ZNF414: variants seen among roughly 807,000 people sequenced by gnomAD.
ZNF414 encodes the protein zinc finger protein 414.
A neutral mutation model predicts 38.3 loss-of-function variants in ZNF414; 32 were observed. That is an observed-to-expected ratio of 0.83 (90% confidence interval 0.63 to 1.12). The LOEUF (loss-of-function observed/expected upper bound fraction) is 1.12. ZNF414 is among the 50% of genes most tolerant of loss of function. The pLI, the probability that ZNF414 is intolerant of heterozygous loss-of-function variation, is 0.00. For synonymous variants in ZNF414, 256 were observed against 248.0 expected (o/e 1.03, Z -0.30); for missense variants, 589 against 557.4 (o/e 1.06, Z -0.57).
chr19:8,512,975 C>A, intron 2 of ZNF414, 54 bp downstream of exon 2: 2 of 1,425,034 alleles, frequency 1.4e-6, no homozygotes, highest in South Asian at 1.5e-5. Context: ...CTCTACGTCT[C>A]GCTTCTATTG....
In ZNF414 at chr19:8,511,625, T is replaced by C; in HGVS notation, c.866A>G (p.Lys289Arg). ...CCCGACCCCACACTCACCTTGGCTC[T>C]TTTTCCAGACGGCGGCGCTGGAAGC... ...PPASSAAVWKKSQGAGSSPRR... is the reference protein window; with the variant it reads ...PPASSAAVWKRSQGAGSSPRR... Residue 289 changes from lysine (K) to arginine (R), a missense_variant, in exon 5 of 8, where the codon AAG (lysine) becomes AGG (arginine). Coordinates refer to ENST00000393927, the MANE Select transcript of ZNF414 (RefSeq NM_001146175.2). The C allele has an allele frequency of 6.6e-7, 1 of 1,510,832 alleles. No individual in the cohort carries two copies. Among genetic ancestry groups the C allele is most frequent in the Non-Finnish European group, 8.8e-7 (1 of 1,133,378 alleles). The allele number at this position is 1,510,832 out of a possible 1,614,324, so 93.6% of individuals were successfully genotyped here.
chr19:8,512,896 T>C (rs1971937903), intron 2 of ZNF414, 133 bp downstream of exon 2: 1 of 1,272,236 alleles, frequency 7.9e-7, no homozygotes, highest in East Asian at 2.6e-5. Context: ...AGCCACAGCC[T>C]GGCATCCACC....
chr19:8,511,861 G>C lies in ZNF414; in HGVS notation c.630C>G (p.Pro210=). ...EHAQSPAPPP[P]PALDREPPAP... ...CGGGCGGCTCTCGGTCCAGGGCCGG[G>C]GGTGGCGGCGGGGCTGGGCTCTGCG... Residue 210 remains proline, a synonymous_variant, in exon 5 of 8, where the codon CCC becomes CCG. Coordinates refer to ENST00000393927, the MANE Select transcript of ZNF414 (RefSeq NM_001146175.2). The C allele has an allele frequency of 1.4e-6, 2 of 1,404,684 alleles. No homozygotes were observed. The highest frequency in any genetic ancestry group is 3.2e-5 in the Admixed American group (1 of 30,800). 87.0% of individuals were successfully genotyped at this position (1,404,684 alleles called of 1,614,324 possible).
At position 8,510,878 on chromosome 19, in the gene ZNF414, C is replaced by CGGGCGCGGG. The variant is rs904104316; in HGVS notation, c.1071_1072insCCCGCGCCC (p.Ala357_Gly358insProAlaPro). ...GCGGGGGCGTCGGGGCGCGGCGGCC[C>CGGGCGCGGG]GGCCGCGGGGGCCGCGGGGGCGCCG... On this transcript the variant is annotated inframe_insertion, in exon 7 of 8. Coordinates refer to ENST00000393927, the MANE Select transcript of ZNF414 (RefSeq NM_001146175.2). 8 of 1,129,530 alleles carry CGGGCGCGGG rather than the reference C, an allele frequency of 7.1e-6. No homozygotes were observed. Among genetic ancestry groups the CGGGCGCGGG allele is most frequent in the Middle Eastern group, 3.7e-4 (1 of 2,734 alleles). 70.0% of individuals were successfully genotyped at this position (1,129,530 alleles called of 1,614,324 possible).
Position 8,510,850 on chromosome 19 carries a change from C to G in ZNF414, c.1099+1G>C. On this transcript the variant is annotated splice_donor_variant, in intron 7 of 7. Coordinates refer to ENST00000393927, the MANE Select transcript of ZNF414 (RefSeq NM_001146175.2). LOFTEE classifies it high-confidence loss of function. ...TCCACCCGCGCATTCCTCGGCCTTA[C>G]CCGCGGGGGCGTCGGGGCGCGGCGG... 8.2e-7 allele frequency: 1 copy of G among 1,223,578 alleles called. No homozygotes were observed. The highest frequency in any genetic ancestry group is 1.0e-6 in the Non-Finnish European group (1 of 966,050). 75.8% of individuals were successfully genotyped at this position (1,223,578 alleles called of 1,614,324 possible).
rs1174799242 is a variant in ZNF414 at position 8,509,682 on chromosome 19, TTTTTAA to T, written c.*1003_*1008del. On this transcript the variant is annotated 3_prime_UTR_variant, in exon 8 of 8. Transcript: ENST00000393927. Reference sequence around the variant, plus strand: ...TCACCTCTCCTGGTTACGGGATTGCTTTTTAATTTTCTTTATTTTTGAGATGGAGTT... The same window carrying T: ...TCACCTCTCCTGGTTACGGGATTGCTTTTTCTTTATTTTTGAGATGGAGTT... 3 of 151,918 alleles carry T rather than the reference TTTTTAA, an allele frequency of 2.0e-5. No homozygotes were observed. The highest frequency in any genetic ancestry group is 4.4e-5 in the Non-Finnish European group (3 of 67,984). The allele number at this position is 151,918 out of a possible 1,614,324, so 9.4% of individuals were successfully genotyped here. A position where few individuals can be genotyped will look rare whatever the true frequency, so the allele number is the denominator to read the frequency against.
Position 8,510,772 on chromosome 19 carries a change from G to C in ZNF414, c.1100-8C>G. ...GTGCAAGCGGGGCCGGATCTGGGTG[G>C]GGCAGAGGAGGGGGGCGCCTGAGCC... On this transcript the variant is annotated splice_region_variant and splice_polypyrimidine_tract_variant and intron_variant, in intron 7 of 7. Coordinates refer to ENST00000393927, the MANE Select transcript of ZNF414 (RefSeq NM_001146175.2). 6.5e-7 allele frequency: 1 copy of C among 1,542,470 alleles called. No homozygotes were observed. The highest frequency in any genetic ancestry group is 8.8e-7 in the Non-Finnish European group (1 of 1,141,898).
Position 8,514,082 on chromosome 19 carries a change from C to CGGCGGCTGCAGCTTA in ZNF414, c.-51_-37dup, listed in dbSNP as rs1302777603. 11 of 1,464,244 alleles carry CGGCGGCTGCAGCTTA rather than the reference C, an allele frequency of 7.5e-6. No individual in the cohort carries two copies. Among genetic ancestry groups the CGGCGGCTGCAGCTTA allele is most frequent in the Non-Finnish European group, 9.9e-6 (11 of 1,108,660 alleles). The allele number at this position is 1,464,244 out of a possible 1,614,324, so 90.7% of individuals were successfully genotyped here. A position where few individuals can be genotyped will look rare whatever the true frequency, so the allele number is the denominator to read the frequency against. On this transcript the variant is annotated 5_prime_UTR_variant, in exon 1 of 8. Transcript: ENST00000393927. ...GCTCGGCCTCTTGTTTCTGCGGCTC[C>CGGCGGCTGCAGCTTA]GGCGGCTGCAGCTTAGGCGGCGGCC...
intron 6 of ZNF414, 107 bp downstream of exon 6, chr19:8,511,379 C>G: frequency 1.3e-6 from 2 of 1,499,212 alleles, no homozygotes; most frequent in African/African-American, 1.4e-5. Flanking sequence ...GGCATTTGTG[C>G]CCCCTGGGAA....
chr19:8,511,434 G>A lies in ZNF414; in HGVS notation c.925+52C>T, dbSNP rs376403298. Reference sequence around the variant, plus strand: ...TCCTGGTATCCACCAGACCCCGCAGGGCGCAGGAAAGAAAGCCCCTCCACC... The same window carrying A: ...TCCTGGTATCCACCAGACCCCGCAGAGCGCAGGAAAGAAAGCCCCTCCACC... On this transcript the variant is annotated intron_variant, in intron 6 of 7. Transcript: ENST00000393927. 8.6e-5 allele frequency: 137 copies of A among 1,594,292 alleles called. 1 individual carries two copies. The African/African-American group carries it at 1.6e-3, about 18-fold the overall frequency.
At position 8,511,980 on chromosome 19, in the gene ZNF414, T is replaced by C. The variant is rs1161150241; in HGVS notation, c.531-20A>G. ...TCACACCTGGAGGTGGGCAGAGGGC[T>C]GGGCTGGGCTGGGCCTCCAGGGGCA... On this transcript the variant is annotated intron_variant, in intron 4 of 7. Coordinates refer to ENST00000393927, the MANE Select transcript of ZNF414 (RefSeq NM_001146175.2). 2.1e-6 allele frequency: 3 copies of C among 1,401,848 alleles called. No individual in the cohort carries two copies. Among genetic ancestry groups the C allele is most frequent in the South Asian group, 1.7e-5 (1 of 57,818 alleles). The allele number at this position is 1,401,848 out of a possible 1,614,324, so 86.8% of individuals were successfully genotyped here.
intron 4 of ZNF414, 75 bp downstream of exon 4, chr19:8,512,312 G>A: frequency 6.4e-7 from 1 of 1,574,340 alleles, no homozygotes; most frequent in Non-Finnish European, 8.7e-7. Context: ...CCCTGACCAG[G>A]AAGGGAGGAA....
Position 8,513,166 on chromosome 19 carries a change from C to A in ZNF414, c.179G>T (p.Gly60Val). 1 of 1,552,512 alleles carries A rather than the reference C, an allele frequency of 6.4e-7. No individual in the cohort carries two copies. The change falls in exon 2 of 8, where the codon GGG (glycine) becomes GTG (valine). Residue 60 changes from glycine (G) to valine (V), a missense_variant. Gly to Val is a moderately radical substitution (Grantham distance 109). Transcript: ENST00000393927. ...GGAGCCCTGCTGCATCCCTCCAGCC[C>A]CTCCACGTTCCCACACTGGCGGTGT... ...AATPPVWERG[G>V]AGGMQQGSSP...
rs1971957890 is a variant in ZNF414, at chr19:8,514,135, C to T, written c.-89G>A. On this transcript the variant is annotated 5_prime_UTR_variant, in exon 1 of 8. The change abolishes the stop of an existing upstream ORF in the 5' untranslated region. Coordinates refer to ENST00000393927, the MANE Select transcript of ZNF414 (RefSeq NM_001146175.2). Reference sequence around the variant, plus strand: ...CCTCTGGGCAGTGCGAGTTCGCGCTCACGTCAGCGCCATTTTCCACCTCTC... The same window carrying T: ...CCTCTGGGCAGTGCGAGTTCGCGCTTACGTCAGCGCCATTTTCCACCTCTC... 8 of 1,360,822 alleles carry T rather than the reference C, an allele frequency of 5.9e-6. No homozygotes were observed. In the South Asian group the frequency reaches 1.3e-4, roughly 23 times the overall value. The allele number at this position is 1,360,822 out of a possible 1,614,324, so 84.3% of individuals were successfully genotyped here.
rs757435261 is a variant in ZNF414, at chr19:8,513,161, C to T, written c.184G>A (p.Gly62Arg). 1.3e-6 allele frequency: 2 copies of T among 1,549,674 alleles called. No individual in the cohort carries two copies. The highest frequency in any genetic ancestry group is 2.4e-5 in the South Asian group (2 of 84,918). Residue 62 changes from glycine to arginine, a missense_variant, in exon 2 of 8, where the codon GGA becomes AGA. Gly to Arg is a moderately radical substitution (Grantham distance 125, BLOSUM62 -2). Transcript: ENST00000393927. ...TPPVWERGGA[G>R]GMQQGSSPAP... The stretch of plus-strand genomic sequence containing the variant: ...GGGGAGGAGCCCTGCTGCATCCCTC[C>T]AGCCCCTCCACGTTCCCACACTGGC...
At chr19:8,511,057 C>T in intron 6 of ZNF414, 33 bp from the exon 7 acceptor site, 1 of 1,286,084 alleles carries the variant, frequency 7.8e-7, no homozygotes, top group Non-Finnish European at 9.8e-7. Context: ...CAGTCCCGGG[C>T]TCCCCCAGCC....
intron 6 of ZNF414, 135 bp downstream of exon 6, chr19:8,511,351 C>T (rs1971910078): frequency 2.7e-6 from 4 of 1,469,636 alleles, no homozygotes; most frequent in African/African-American, 2.9e-5. Context: ...AGGCAAAAAT[C>T]CTGTATTTCG....
At chr19:8,513,655 C>A (rs1971950369) in intron 1 of ZNF414, among the ~76,000 whole-genome samples, 1 of 152,130 alleles carries the variant, frequency 6.6e-6, no homozygotes. Flanking sequence ...TAGGTGGGAG[C>A]CCCAGTATGC....
rs1422077382 is a variant in ZNF414 at position 8,511,906 on chromosome 19, C to A, written c.585G>T (p.Leu195=). Residue 195 remains leucine, a synonymous_variant, in exon 5 of 8, where the codon CTG becomes CTT. Coordinates refer to ENST00000393927, the MANE Select transcript of ZNF414 (RefSeq NM_001146175.2). The stretch of plus-strand genomic sequence containing the variant: ...TCTGCGCATGCTCCGCGCAAACATG[C>A]AGGTGCTTGAAGAGCGAGCGGTGCG... ...FRTHRSLFKH[L]HVCAEHAQSP... 1 of 1,413,410 alleles carries A rather than the reference C, an allele frequency of 7.1e-7. No individual in the cohort carries two copies. Among genetic ancestry groups the A allele is most frequent in the African/African-American group, 1.5e-5 (1 of 67,416 alleles). The allele number at this position is 1,413,410 out of a possible 1,614,324, so 87.6% of individuals were successfully genotyped here. A position where few individuals can be genotyped will look rare whatever the true frequency, so the allele number is the denominator to read the frequency against.
Sources: gnomAD v4.1 joint callset for allele counts (sites outside exome capture counted in the v4.1 genomes callset) on GRCh38, gnomAD v4.1.1 for gene constraint, MANE v1.5 for transcripts, NCBI Gene and HGNC (gene_info 2026-07-23, HGNC 2026-07-21) for gene names.